TEN1: variants seen among roughly 807,000 people sequenced by gnomAD.
TEN1 encodes TEN1 subunit of CST complex.
In TEN1, 6 loss-of-function variants were observed where a neutral mutation model predicts 9.3. That is an observed-to-expected ratio of 0.65 (90% CI 0.35 to 1.27). TEN1 has a LOEUF of 1.27. Among genes scored for constraint, TEN1 ranks in the 50% most tolerant of loss-of-function variants. The pLI, the probability that TEN1 is intolerant of heterozygous loss-of-function variation, is 0.03. For missense variants in TEN1, 149 were observed against 158.2 expected (o/e 0.94, Z 0.31); for synonymous variants, 65 against 65.6 (o/e 0.99, Z 0.04).
chr17:75,999,939 G>C (rs1283976668), intron 3 of TEN1, among the ~76,000 whole-genome samples: 1 of 152,122 alleles, frequency 6.6e-6, no homozygotes, highest in Non-Finnish European at 1.5e-5. Flanking sequence ...CTAAGTTCCA[G>C]ACACGGGCCG....
intron 2 of TEN1, among the ~76,000 whole-genome samples, chr17:75,989,029 C>G (rs796973820): frequency 3.7e-4 from 56 of 152,304 alleles, no homozygotes; most frequent in African/African-American, 1.3e-3. Context: ...CCTCGGCCCC[C>G]CAAAGTGCTG....
chr17:75,993,684 T>G (rs56295610), intron 3 of TEN1, among the ~76,000 whole-genome samples: 32,471 of 152,018 alleles, frequency 0.21, 3,632 homozygotes, highest in Middle Eastern at 0.28. Context: ...GCAACACCTC[T>G]GTTGGGTTCT....
At position 75,979,249 on chromosome 17, in the gene TEN1, C is replaced by T; in HGVS notation, c.-269C>T. The T allele has an allele frequency of 1.2e-6, 1 of 855,546 alleles. No homozygotes were observed. Among genetic ancestry groups the T allele is most frequent in the Non-Finnish European group, 1.9e-6 (1 of 540,102 alleles). 53.0% of individuals were successfully genotyped at this position (855,546 alleles called of 1,614,324 possible). ...CTTCTTTCTCCGTGGCCCTTTGGCG[C>T]GTGAGTGACAGCGGCCCAGACAGAG... On this transcript the variant is annotated 5_prime_UTR_variant, in exon 1 of 4. Coordinates refer to ENST00000397640, the MANE Select transcript of TEN1 (RefSeq NM_001113324.3).
intron 3 of TEN1, among the ~76,000 whole-genome samples, 186 bp from the exon 4 acceptor site, chr17:75,999,955 G>C (rs540351827): frequency 6.6e-6 from 1 of 152,254 alleles, no homozygotes; most frequent in South Asian, 2.1e-4. Context: ...GGCCGACTGT[G>C]CATGACAGGC....
intron 1 of TEN1, among the ~76,000 whole-genome samples, chr17:75,979,985 G>A (rs1275776685): frequency 6.6e-6 from 1 of 151,924 alleles, no homozygotes; most frequent in Non-Finnish European, 1.5e-5. Context: ...TTGGAATCCA[G>A]ACTTCTTTGC....
At chr17:75,987,593 C>T (rs2066159294) in intron 2 of TEN1, among the ~76,000 whole-genome samples, 1 of 152,134 alleles carries the variant, frequency 6.6e-6, no homozygotes. Flanking sequence ...AGGGGACCAT[C>T]TTAGAGACAC....
intron 1 of TEN1, among the ~76,000 whole-genome samples, chr17:75,985,651 A>G (rs1051523427): frequency 6.6e-6 from 1 of 152,144 alleles, no homozygotes; most frequent in African/African-American, 2.4e-5. Flanking sequence ...CAGCCTCCCA[A>G]GTAGCTGGGA....
chr17:76,000,106 C>G lies in TEN1; in HGVS notation c.251-35C>G, dbSNP rs756192717. 1.3e-6 allele frequency: 2 copies of G among 1,545,502 alleles called. No individual in the cohort carries two copies. Among genetic ancestry groups the G allele is most frequent in the Non-Finnish European group, 1.8e-6 (2 of 1,142,732 alleles). On this transcript the variant is annotated intron_variant, in intron 3 of 3. Transcript: ENST00000397640. This position sits in a 1 kb window ranked among gnomAD's most constrained non-coding sequence, Gnocchi z 5.9. ...TGGAGGACGTTGTTGACACGCCGCT[C>G]AGTCGCCGTTCGTGCCCTGGTGTTT... is the stretch of plus-strand genomic sequence containing the variant.
chr17:75,990,158 G>A (rs1263711791), intron 2 of TEN1, among the ~76,000 whole-genome samples: 5 of 151,376 alleles, frequency 3.3e-5, no homozygotes, highest in South Asian at 2.1e-4. Context: ...TGATCCTCCC[G>A]TCTTGGCCTC....
intron 1 of TEN1, among the ~76,000 whole-genome samples, chr17:75,982,914 T>C (rs2066130318): frequency 6.7e-6 from 1 of 149,392 alleles, no homozygotes; most frequent in African/African-American, 2.5e-5. Context: ...TGTCACCACA[T>C]TGGCCAGGCT....
intron 1 of TEN1, among the ~76,000 whole-genome samples, chr17:75,985,413 G>A (rs1439774090): frequency 6.6e-6 from 1 of 152,172 alleles, no homozygotes; most frequent in Non-Finnish European, 1.5e-5. Context: ...CTCCGAAAGA[G>A]CTGGGATTAC....
rs17880586 is a variant in TEN1, at chr17:76,000,497, A to AGCTTGGGCGCCGGGGCCGT, written c.*242_*260dup. 0.024 allele frequency: 13,835 copies of AGCTTGGGCGCCGGGGCCGT among 586,192 alleles called. 288 individuals carry two copies. Among genetic ancestry groups the AGCTTGGGCGCCGGGGCCGT allele is most frequent in the Middle Eastern group, 0.04 (82 of 2,032 alleles). 36.3% of individuals were successfully genotyped at this position (586,192 alleles called of 1,614,324 possible). On this transcript the variant is annotated 3_prime_UTR_variant, in exon 4 of 4. Transcript: ENST00000397640. This position sits in a 1 kb window ranked among gnomAD's most constrained non-coding sequence, Gnocchi z 5.9. ...CACCCCAGGAGACTGCAGGTGGCCG[A>AGCTTGGGCGCCGGGGCCGT]GCTTGGGCGCCGGGGCCGTGCTTGG...
chr17:75,992,524 AT>A (rs1442971138), intron 3 of TEN1, among the ~76,000 whole-genome samples: 1 of 146,502 alleles, frequency 6.8e-6, no homozygotes, highest in Non-Finnish European at 1.5e-5. Context: ...ATTCCTTTTT[AT>A]TTTTTGAGAC....
At chr17:75,986,161 A>G in intron 1 of TEN1, 26 bp from the exon 2 acceptor site, 1 of 1,513,436 alleles carries the variant, frequency 6.6e-7, no homozygotes, top group Non-Finnish European at 8.9e-7. Flanking sequence ...GAATCTTCAA[A>G]ATCCCTCTCA....
At chr17:75,985,513 TTTTG>T (rs990640090) in intron 1 of TEN1, among the ~76,000 whole-genome samples, 10 of 152,136 alleles carry the variant, frequency 6.6e-5, no homozygotes, top group Non-Finnish European at 1.2e-4. Context: ...TGTGTTTGTT[TTTTG>T]TTTGTTTGTC....
intron 1 of TEN1, among the ~76,000 whole-genome samples, chr17:75,985,355 C>G (rs902191031): frequency 2.0e-5 from 3 of 151,948 alleles, no homozygotes; most frequent in African/African-American, 7.3e-5. Flanking sequence ...GCCATGTTGC[C>G]CAGACTGGTC....
chr17:75,983,593 T>G (rs1219367828), intron 1 of TEN1, among the ~76,000 whole-genome samples: 2 of 152,196 alleles, frequency 1.3e-5, no homozygotes, highest in African/African-American at 4.8e-5. Context: ...ATGGAGAGCA[T>G]GGCATTACAG....
At chr17:75,991,411 C>T (rs539488478) in intron 2 of TEN1, 55 bp from the exon 3 acceptor site, 19 of 1,527,182 alleles carry the variant, frequency 1.2e-5, no homozygotes, top group South Asian at 7.2e-5. Context: ...ACCTTTTGAG[C>T]GTGGTGGTGA....
At chr17:75,983,038 T>C (rs1001847430) in intron 1 of TEN1, among the ~76,000 whole-genome samples, 1 of 150,738 alleles carries the variant, frequency 6.6e-6, no homozygotes, top group Non-Finnish European at 1.5e-5. Context: ...CCCAACACTC[T>C]GGGAGGCCGA....
Sources: gnomAD v4.1 joint callset for allele counts (sites outside exome capture counted in the v4.1 genomes callset) on GRCh38, gnomAD v4.1.1 for gene constraint, Gnocchi (gnomAD v3.1) non-coding constraint, MANE v1.5 for transcripts, NCBI Gene and HGNC (gene_info 2026-07-23, HGNC 2026-07-21) for gene names.